The following PDS5B variants were observed in gnomAD, a reference collection of about 807,000 sequenced individuals.
PDS5B encodes the protein sister chromatid cohesion protein PDS5 homolog B.
PDS5B carries 51 observed loss-of-function variants against 184.1 expected under a neutral mutation model. The observed-to-expected ratio is 0.28, with a 90% CI of 0.22 to 0.35. The LOEUF (loss-of-function observed/expected upper bound fraction) is 0.35, where lower values mean the gene tolerates loss of function less well. PDS5B is among the 10% of genes least tolerant of loss of function. The pLI, the probability that PDS5B is intolerant of heterozygous loss-of-function variation, is 1.00. For synonymous variants in PDS5B, 566 were observed against 569.2 expected (o/e 0.99, Z 0.08); for missense variants, 1,180 against 1,723.3 (o/e 0.68, Z 5.58).
intron 19 of PDS5B, among the ~76,000 whole-genome samples, chr13:32,725,422 G>GCTATCTTGTATGACAGGATATTCCAGGA (rs1952864350): frequency 1.3e-5 from 2 of 151,854 alleles, no homozygotes; most frequent in Non-Finnish European, 2.9e-5. Flanking sequence ...TAATTTCTTT[G>GCTATCTTGTATGACAGGATATTCCAGGA]CTATCTTGTA....
At chr13:32,700,671 C>G (rs1026979379) in intron 16 of PDS5B, among the ~76,000 whole-genome samples, 8 of 152,002 alleles carry the variant, frequency 5.3e-5, no homozygotes, top group Non-Finnish European at 1.0e-4. Context: ...TTAGTTTACC[C>G]TTTCTTTTTG....
chr13:32,757,502 C>CT (rs11439201), intron 26 of PDS5B, among the ~76,000 whole-genome samples: 59,065 of 151,994 alleles, frequency 0.39, 11,998 homozygotes, highest in Non-Finnish European at 0.45. Flanking sequence ...AGGCAAAACA[C>CT]TTTCATTTTG....
intron 9 of PDS5B, among the ~76,000 whole-genome samples, chr13:32,677,858 A>C (rs937338842): frequency 2.6e-5 from 4 of 152,128 alleles, no homozygotes; most frequent in Non-Finnish European, 5.9e-5. Context: ...ATTCACTTTA[A>C]TGTTCTTGAT....
At chr13:32,623,894 C>T (rs1461212691) in intron 1 of PDS5B, among the ~76,000 whole-genome samples, 4 of 152,218 alleles carry the variant, frequency 2.6e-5, no homozygotes, top group Non-Finnish European at 4.4e-5. Flanking sequence ...TCACTGCAAC[C>T]TCCACCTCCT....
rs1047368556 is a variant in PDS5B at position 32,720,636 on chromosome 13, T to A, written c.2123+10530T>A. 7.3e-5 allele frequency among the ~76,000 whole-genome samples: 11 copies of A among 151,182 alleles called. No homozygotes were observed. In the East Asian group the frequency reaches 1.5e-3, roughly 21 times the overall value. ...TTTTATTTATTTATTTATTTTATTA[T>A]TTTTTTTTAAAATTTTTTTAGTATT... On this transcript the variant is annotated intron_variant, in intron 19 of 34. Coordinates refer to ENST00000315596, the MANE Select transcript of PDS5B (RefSeq NM_015032.4).
intron 6 of PDS5B, among the ~76,000 whole-genome samples, chr13:32,663,226 C>T (rs1950696483): frequency 6.6e-6 from 1 of 151,960 alleles, no homozygotes; most frequent in Non-Finnish European, 1.5e-5. Context: ...GGCAAATATT[C>T]CTAACTTTCA....
intron 1 of PDS5B, among the ~76,000 whole-genome samples, chr13:32,635,203 T>G (rs2058526572): frequency 2.0e-5 from 1 of 50,942 alleles, no homozygotes; most frequent in Admixed American, 2.5e-4. Flanking sequence ...TTTTTTTTTT[T>G]TTTTTTTTTT....
rs186003895 is a variant in PDS5B, at chr13:32,587,137, G to A, written c.-20+544G>A. ...TCCCCCTTCCGGGCGAGGGGCGGGCGGGGACCGCGGGTCGGGGCCGCGGGC... is the reference window on the plus strand; with the variant it reads ...TCCCCCTTCCGGGCGAGGGGCGGGCAGGGACCGCGGGTCGGGGCCGCGGGC... On this transcript the variant is annotated intron_variant, in intron 1 of 34. Coordinates refer to ENST00000315596, the MANE Select transcript of PDS5B (RefSeq NM_015032.4). Among the ~76,000 whole-genome samples the A allele has an allele frequency of 5.4e-3, 796 of 146,982 alleles. 6 individuals are homozygous for A. The highest frequency in any genetic ancestry group is 0.019 in the African/African-American group (763 of 40,476).
chr13:32,713,864 T>C (rs1952283154), intron 19 of PDS5B, among the ~76,000 whole-genome samples: 2 of 152,188 alleles, frequency 1.3e-5, no homozygotes, highest in African/African-American at 4.8e-5. Flanking sequence ...AAAAGTGATT[T>C]CACAAATATC....
At chr13:32,712,928 C>T (rs115181728) in intron 19 of PDS5B, among the ~76,000 whole-genome samples, 1 of 152,150 alleles carries the variant, frequency 6.6e-6, no homozygotes, top group African/African-American at 2.4e-5. Flanking sequence ...ACCCATTAAA[C>T]AAAAAATGAA....
chr13:32,770,537 A>G lies in PDS5B; in HGVS notation c.4041A>G (p.Arg1347=). 6.2e-7 allele frequency: 1 copy of G among 1,607,846 alleles called. No individual in the cohort carries two copies. The highest frequency in any genetic ancestry group is 8.5e-7 in the Non-Finnish European group (1 of 1,178,480). ...AGAAGTCCAAAAGCAAACAGCACCG[A>G]GTGTCAAGGAGAGCACAGCAGAGGT... ...TEQKSKSKQH[R]VSRRAQQRAE... is the part of the protein sequence containing the mutation. The change falls in exon 32 of 35, where the codon CGA becomes CGG. Residue 1347 remains arginine (R), a synonymous_variant. Transcript: ENST00000315596.
At chr13:32,718,241 C>T (rs1952548299) in intron 19 of PDS5B, among the ~76,000 whole-genome samples, 2 of 151,848 alleles carry the variant, frequency 1.3e-5, no homozygotes, top group South Asian at 4.2e-4. Flanking sequence ...AGCTCCGCCT[C>T]CCGGGTTCAC....
intron 1 of PDS5B, among the ~76,000 whole-genome samples, chr13:32,639,162 A>G (rs987684925): frequency 2.6e-5 from 4 of 151,988 alleles, no homozygotes; most frequent in Non-Finnish European, 5.9e-5. Context: ...ATTTAACAGA[A>G]CACTTTCTGT....
At chr13:32,675,994 C>A in intron 9 of PDS5B, 35 bp downstream of exon 9, 1 of 1,167,714 alleles carries the variant, frequency 8.6e-7, no homozygotes, top group African/African-American at 1.5e-5. Context: ...AAAAGTAATA[C>A]ATTATTCTAC....
chr13:32,639,993 ATTG>A (rs1301538193), intron 1 of PDS5B, among the ~76,000 whole-genome samples: 1 of 152,176 alleles, frequency 6.6e-6, no homozygotes, highest in African/African-American at 2.4e-5. Flanking sequence ...AGGATTGCTT[ATTG>A]TTATGATTGC....
chr13:32,755,454 G>T (rs1036442894), intron 25 of PDS5B, among the ~76,000 whole-genome samples: 1 of 152,086 alleles, frequency 6.6e-6, no homozygotes, highest in Non-Finnish European at 1.5e-5. Context: ...GCTTACAAGA[G>T]AGTGTTAAAC....
intron 30 of PDS5B, 89 bp downstream of exon 30, chr13:32,760,809 T>C: frequency 8.1e-7 from 1 of 1,240,340 alleles, no homozygotes; most frequent in Admixed American, 2.4e-5. Flanking sequence ...ATGTTTCATG[T>C]CAGTAAATGG....
intron 21 of PDS5B, among the ~76,000 whole-genome samples, chr13:32,740,439 T>C (rs1953498089): frequency 6.6e-6 from 1 of 152,208 alleles, no homozygotes; most frequent in Non-Finnish European, 1.5e-5. Flanking sequence ...TTTGCCTTTT[T>C]AGATGTTGGG....
Position 32,742,608 on chromosome 13 carries a change from G to A in PDS5B, c.2493G>A (p.Met831Ile). ...ETMVKIQAIK[M>I]MVRWLLGMKN... ...TTAAATAGATTCAGGCTATTAAAAT[G>A]ATGGTTCGATGGCTACTTGGAATGA... is the stretch of plus-strand genomic sequence containing the variant. The change falls in exon 23 of 35, where the codon ATG (methionine) becomes ATA (isoleucine). Residue 831 changes from methionine (M) to isoleucine (I), a missense_variant. This residue lies in a region of PDS5B where 475 missense variants were observed against 691.5 expected (regional missense o/e 0.69). Coordinates refer to ENST00000315596, the MANE Select transcript of PDS5B (RefSeq NM_015032.4). 6.2e-7 allele frequency: 1 copy of A among 1,611,530 alleles called. No individual in the cohort carries two copies. Among genetic ancestry groups the A allele is most frequent in the Non-Finnish European group, 8.5e-7 (1 of 1,178,236 alleles).
Sources: allele counts gnomAD v4.1 joint callset (sites outside exome capture counted in the v4.1 genomes callset), GRCh38; gene constraint gnomAD v4.1.1; regional missense constraint gnomAD v4.1.1; transcripts MANE v1.5; gene names NCBI Gene and HGNC (gene_info 2026-07-23, HGNC 2026-07-21).